CCDC183: variants seen among roughly 807,000 people sequenced by gnomAD.
CCDC183 encodes coiled-coil domain containing 183.
In CCDC183, 63 loss-of-function variants were observed where a neutral mutation model predicts 65.2. That is an observed-to-expected ratio of 0.97 (90% confidence interval 0.79 to 1.19). The LOEUF (loss-of-function observed/expected upper bound fraction) is 1.19, where lower values mean the gene tolerates loss of function less well. CCDC183 is among the 50% of genes most tolerant of loss of function. The pLI, the probability that CCDC183 is intolerant of heterozygous loss-of-function variation, is 0.00. For synonymous variants in CCDC183, 323 were observed against 276.5 expected, an observed-to-expected ratio of 1.17 and a Z score of -1.67; for missense variants, 769 against 689.3, an observed-to-expected ratio of 1.12 and a Z score of -1.30.
chr9:136,796,512 G>A (rs1284514973), intron 1 of CCDC183, 45 bp downstream of exon 1: 3 of 1,369,740 alleles, frequency 2.2e-6, no homozygotes, highest in African/African-American at 1.4e-5. Flanking sequence ...CCGTCTGGGG[G>A]TTTCTGGGTG....
intron 6 of CCDC183, among the ~76,000 whole-genome samples, chr9:136,803,711 A>G (rs1847790331): frequency 6.6e-6 from 1 of 152,168 alleles, no homozygotes; most frequent in African/African-American, 2.4e-5. Context: ...TTGAACCCGC[A>G]AAGGTCAGGT....
chr9:136,800,125 C>T lies in CCDC183; in HGVS notation c.394C>T (p.Arg132Trp), dbSNP rs765039614. The T allele has an allele frequency of 1.4e-6, 2 of 1,439,330 alleles. No homozygotes were observed. Among genetic ancestry groups the T allele is most frequent in the Non-Finnish European group, 1.8e-6 (2 of 1,081,332 alleles). The allele number at this position is 1,439,330 out of a possible 1,614,324, so 89.2% of individuals were successfully genotyped here. A position where few individuals can be genotyped will look rare whatever the true frequency, so the allele number is the denominator to read the frequency against. ...CATGCAGCTGGAGCTGGACAGCCTG[C>T]GGAGCCAGCCCGACGCCAGCAAGGA... is the stretch of plus-strand genomic sequence containing the variant. ...ESMQLELDSL[R>W]SQPDASKEEL... The change falls in exon 4 of 14, where the codon CGG (arginine) becomes TGG (tryptophan). Residue 132 changes from arginine (R) to tryptophan (W), a missense_variant. Physicochemically the swap from Arg to Trp is moderately radical, Grantham distance 101. Transcript: ENST00000338005.
intron 9 of CCDC183, chr9:136,805,712 G>A: frequency 1.8e-6 from 1 of 549,922 alleles, no homozygotes; most frequent in Non-Finnish European, 3.3e-6. Flanking sequence ...ACACAAGCTT[G>A]TCCACTGTCA....
intron 5 of CCDC183, 140 bp from the exon 6 acceptor site, chr9:136,802,524 C>T: frequency 8.2e-7 from 1 of 1,221,214 alleles, no homozygotes; most frequent in Non-Finnish European, 1.1e-6. Flanking sequence ...CACCGTTGTG[C>T]CCAGCGGGGA....
rs1264265186 is a variant in CCDC183, at chr9:136,806,247, G to C, written c.1109+9G>C. On this transcript the variant is annotated intron_variant, in intron 10 of 13. Coordinates refer to ENST00000338005, the MANE Select transcript of CCDC183 (RefSeq NM_001039374.5). ...AAGCCTAGCTCCATCAGGTGCCCCG[G>C]GCTTCCGGGGCTGCGGGCCACCCAC... is the stretch of plus-strand genomic sequence containing the variant. The C allele has an allele frequency of 6.3e-7, 1 of 1,584,762 alleles. No individual in the cohort carries two copies. The highest frequency in any genetic ancestry group is 2.3e-5 in the East Asian group (1 of 43,092).
intron 1 of CCDC183, among the ~76,000 whole-genome samples, chr9:136,797,569 G>C (rs569660793): frequency 1.3e-5 from 2 of 151,786 alleles, no homozygotes; most frequent in Non-Finnish European, 2.9e-5. Context: ...CTCCCAAGTA[G>C]CTGGGACTAC....
chr9:136,803,150 GGCCCCCC>G (rs1564350048), intron 6 of CCDC183, among the ~76,000 whole-genome samples: 6 of 59,084 alleles, frequency 1.0e-4, no homozygotes, highest in Non-Finnish European at 2.0e-4. Flanking sequence ...CCAGGGCTGG[GGCCCCCC>G]AGGGCCAGCC....
At chr9:136,803,413 G>A (rs1177126421) in intron 6 of CCDC183, among the ~76,000 whole-genome samples, 3 of 152,170 alleles carry the variant, frequency 2.0e-5, no homozygotes, top group Non-Finnish European at 4.4e-5. Context: ...CTCACCCACT[G>A]GACAGAGCAG....
At chr9:136,803,745 G>C (rs1020949976) in intron 6 of CCDC183, among the ~76,000 whole-genome samples, 4 of 152,120 alleles carry the variant, frequency 2.6e-5, no homozygotes, top group African/African-American at 9.7e-5. Flanking sequence ...GGGAGGAGGA[G>C]GTACAACTTG....
rs530109987 is a variant in CCDC183 at position 136,800,064 on chromosome 9, C to T, written c.333C>T (p.Ile111=). 3.8e-6 allele frequency: 6 copies of T among 1,583,492 alleles called. No homozygotes were observed. The East Asian group carries it at 9.2e-5, about 24-fold the overall frequency. Residue 111 remains isoleucine (I), a synonymous_variant, in exon 4 of 14, where the codon ATC becomes ATT. Transcript: ENST00000338005. The part of the protein sequence containing the change: ...FDRVNMHNLL[I]HLVRRRGQKL... ...GCGTGAACATGCACAACCTACTGAT[C>T]CACCTGGTGCGGCGGCGCGGGCAGA...
chr9:136,800,280 G>A, intron 4 of CCDC183, 109 bp from the exon 5 acceptor site: 1 of 1,435,956 alleles, frequency 7.0e-7, no homozygotes, highest in African/African-American at 1.4e-5. Context: ...AGGGCTCACG[G>A]GAGGGGCGGG....
rs1185363757 is a variant in CCDC183 at position 136,800,009 on chromosome 9, G to A, written c.278G>A (p.Arg93Gln). The A allele has an allele frequency of 1.3e-6, 2 of 1,587,502 alleles. No homozygotes were observed. The highest frequency in any genetic ancestry group is 1.7e-4 in the Middle Eastern group (1 of 5,920). ...GTGCCCTTCCCGACCCAGGTGGTGC[G>A]GGAGAAGCTGCGCAAGTACGTCTTC... is the stretch of plus-strand genomic sequence containing the variant. ...AHCRSTMEVV[R>Q]EKLRKYVFDR... The change falls in exon 4 of 14, where the codon CGG becomes CAG. Residue 93 changes from arginine (R) to glutamine (Q), a missense_variant. By Grantham distance (43) the Arg-to-Gln change is conservative (BLOSUM62 1). Coordinates refer to ENST00000338005, the MANE Select transcript of CCDC183 (RefSeq NM_001039374.5).
Position 136,805,731 on chromosome 9 carries a change from A to G in CCDC183, c.948+274A>G, listed in dbSNP as rs979687110. 88 of 546,836 alleles carry G rather than the reference A, an allele frequency of 1.6e-4. 1 individual carries two copies. The highest frequency in any genetic ancestry group is 1.5e-3 in the African/African-American group (79 of 53,170). The allele number at this position is 546,836 out of a possible 1,614,324, so 33.9% of individuals were successfully genotyped here. A position where few individuals can be genotyped will look rare whatever the true frequency, so the allele number is the denominator to read the frequency against. On this transcript the variant is annotated intron_variant, in intron 9 of 13. Coordinates refer to ENST00000338005, the MANE Select transcript of CCDC183 (RefSeq NM_001039374.5). Reference sequence around the variant, plus strand: ...AAGCTTGTCCACTGTCAGACAAGTGACTCAAGTGACACAACGTCCTTCAGT... The same window carrying G: ...AAGCTTGTCCACTGTCAGACAAGTGGCTCAAGTGACACAACGTCCTTCAGT...
intron 1 of CCDC183, among the ~76,000 whole-genome samples, chr9:136,798,028 C>A (rs775422051): frequency 6.6e-6 from 1 of 152,156 alleles, no homozygotes; most frequent in Non-Finnish European, 1.5e-5. Context: ...TATTTTGAGA[C>A]GCAGTCTCGC....
chr9:136,807,048 C>G lies in CCDC183; in HGVS notation c.1468C>G (p.Arg490Gly), dbSNP rs1046459342. Reference sequence around the variant, plus strand: ...CAACACCAGGATCAGCTTTGAGAACCGGGAGGAGGATATGATCGGTACAGG... The same window carrying G: ...CAACACCAGGATCAGCTTTGAGAACGGGGAGGAGGATATGATCGGTACAGG... ...KYNTRISFEN[R>G]EEDMIDTFQF... The change falls in exon 13 of 14, where the codon CGG (arginine) becomes GGG (glycine). Residue 490 changes from arginine to glycine, a missense_variant. Coordinates refer to ENST00000338005, the MANE Select transcript of CCDC183 (RefSeq NM_001039374.5). 1 of 1,613,216 alleles carries G rather than the reference C, an allele frequency of 6.2e-7. No homozygotes were observed. Among genetic ancestry groups the G allele is most frequent in the Non-Finnish European group, 8.5e-7 (1 of 1,179,990 alleles).
At chr9:136,805,525 C>A in intron 9 of CCDC183, 68 bp downstream of exon 9, 1 of 1,379,748 alleles carries the variant, frequency 7.2e-7, no homozygotes, top group South Asian at 1.2e-5. Context: ...GGGTAATGCT[C>A]CCTGGCACTC....
chr9:136,805,747 G>A (rs1044697717), intron 9 of CCDC183, among the ~76,000 whole-genome samples: 20 of 152,260 alleles, frequency 1.3e-4, no homozygotes, highest in African/African-American at 3.4e-4. Flanking sequence ...GTGACACAAC[G>A]TCCTTCAGTG....
Position 136,804,735 on chromosome 9 carries a change from C to G in CCDC183, c.793-27C>G, listed in dbSNP as rs894512698. On this transcript the variant is annotated intron_variant, in intron 7 of 13. Transcript: ENST00000338005. The surrounding 1 kb of genome is among the most constrained non-coding windows in gnomAD (Gnocchi z 4.1). ...CCACTCCCTGCCAAGGATGTCTCAT[C>G]CCTTCCCCGCCCCCACCTCCCATCA... 5 of 1,613,298 alleles carry G rather than the reference C, an allele frequency of 3.1e-6. No homozygotes were observed. In the African/African-American group the frequency reaches 6.7e-5, roughly 22 times the overall value.
chr9:136,806,926 C>G, intron 12 of CCDC183, 44 bp from the exon 13 acceptor site: 1 of 1,613,450 alleles, frequency 6.2e-7, no homozygotes, highest in South Asian at 1.1e-5. Flanking sequence ...TGACAGGCTC[C>G]CGTTCAGAGT....
Sources: allele counts gnomAD v4.1 joint callset (sites outside exome capture counted in the v4.1 genomes callset), GRCh38; gene constraint gnomAD v4.1.1; non-coding constraint Gnocchi (gnomAD v3.1); transcripts MANE v1.5; gene names NCBI Gene and HGNC (gene_info 2026-07-23, HGNC 2026-07-21).